The following SLC24A2 variants were observed in gnomAD, a reference collection of about 807,000 sequenced individuals.
SLC24A2 encodes the protein sodium/potassium/calcium exchanger 2.
In SLC24A2, 36 loss-of-function variants were observed where a neutral mutation model predicts 62.0. That is an observed-to-expected ratio of 0.58 (90% confidence interval 0.44 to 0.77). SLC24A2 has a LOEUF of 0.77. Ranked by LOEUF, SLC24A2 falls within the 30% of genes least tolerant of loss-of-function variation. The pLI is 0.00. For missense variants in SLC24A2, 846 were observed against 817.9 expected, an observed-to-expected ratio of 1.03 and a Z score of -0.42; for synonymous variants, 358 against 294.0, an observed-to-expected ratio of 1.22 and a Z score of -2.23.
the SLC24A2 span, among the ~76,000 whole-genome samples, chr9:19,899,196 A>G: frequency 6.6e-6 from 1 of 152,218 alleles, no homozygotes; most frequent in Admixed American, 6.5e-5. Flanking sequence ...TAAGTCACAC[A>G]CCTATGCTCT....
At chr9:20,298,183 T>C in the SLC24A2 span, among the ~76,000 whole-genome samples, 3 of 152,210 alleles carry the variant, frequency 2.0e-5, no homozygotes, top group Admixed American at 6.5e-5. Context: ...AAGTGATTAT[T>C]ATGTCCATTG....
At chr9:20,004,859 G>A in the SLC24A2 span, among the ~76,000 whole-genome samples, 3 of 151,514 alleles carry the variant, frequency 2.0e-5, no homozygotes, top group Admixed American at 6.6e-5. Context: ...CTGAGTTGAT[G>A]TAAAGAGGAG....
chr9:20,233,411 T>A, the SLC24A2 span, among the ~76,000 whole-genome samples: 3 of 152,238 alleles, frequency 2.0e-5, no homozygotes, highest in Non-Finnish European at 2.9e-5. Flanking sequence ...TGGGTTCTCC[T>A]GTATTGGGTG....
chr9:20,176,876 T>C, the SLC24A2 span, among the ~76,000 whole-genome samples: 1 of 152,098 alleles, frequency 6.6e-6, no homozygotes, highest in Non-Finnish European at 1.5e-5. Flanking sequence ...TTCTGAGAAA[T>C]ATGCACCAAA....
intron 9 of SLC24A2, among the ~76,000 whole-genome samples, chr9:19,526,811 A>G (rs1396271938): frequency 1.3e-5 from 2 of 151,634 alleles, no homozygotes; most frequent in Non-Finnish European, 2.9e-5. Flanking sequence ...TTTCCTTTTT[A>G]ATGGTGTTTC....
the SLC24A2 span, among the ~76,000 whole-genome samples, chr9:19,829,805 A>G: frequency 0.063 from 1,881 of 29,626 alleles, 12 homozygotes; most frequent in Non-Finnish European, 0.15. Flanking sequence ...GTGTATATAT[A>G]TATATACACA....
the SLC24A2 span, among the ~76,000 whole-genome samples, chr9:20,102,767 G>C: frequency 6.6e-6 from 1 of 152,078 alleles, no homozygotes; most frequent in African/African-American, 2.4e-5. Context: ...CAGCATGAGC[G>C]ACACAGAAGA....
the SLC24A2 span, among the ~76,000 whole-genome samples, chr9:20,221,630 T>C: frequency 2.0e-5 from 3 of 151,990 alleles, no homozygotes; most frequent in South Asian, 4.2e-4. Context: ...CCTCAAGTCT[T>C]GAACAAAATA....
the SLC24A2 span, among the ~76,000 whole-genome samples, chr9:19,886,916 G>A: frequency 2.0e-5 from 3 of 152,118 alleles, no homozygotes; most frequent in Admixed American, 2.0e-4. Flanking sequence ...CATGGATAGA[G>A]CTGGCAGCCA....
At chr9:19,884,971 T>C in the SLC24A2 span, among the ~76,000 whole-genome samples, 1 of 152,190 alleles carries the variant, frequency 6.6e-6, no homozygotes, top group East Asian at 1.9e-4. Flanking sequence ...GGAGCATCTG[T>C]ATTCTTACAG....
chr9:20,150,666 C>T, the SLC24A2 span, among the ~76,000 whole-genome samples: 7,098 of 151,146 alleles, frequency 0.047, 542 homozygotes, highest in African/African-American at 0.16. Flanking sequence ...TCATTCTTGT[C>T]AAAATAACAA....
At chr9:19,845,691 C>T in the SLC24A2 span, among the ~76,000 whole-genome samples, 2,613 of 152,120 alleles carry the variant, frequency 0.017, 71 homozygotes, top group African/African-American at 0.059. Flanking sequence ...GAACATTATT[C>T]TGGGATCTAT....
chr9:19,702,034 C>A (rs1820371460), intron 2 of SLC24A2, among the ~76,000 whole-genome samples: 1 of 152,188 alleles, frequency 6.6e-6, no homozygotes, highest in Non-Finnish European at 1.5e-5. Context: ...ACCACATGAT[C>A]TTAGACTAAT....
intron 1 of SLC24A2, chr9:19,788,641 C>T (rs1823250033): frequency 4.1e-6 from 4 of 985,326 alleles, no homozygotes; most frequent in Non-Finnish European, 4.8e-6. Flanking sequence ...TCTCCCCCGA[C>T]GGCAGGCCCT....
At chr9:19,941,007 G>T in the SLC24A2 span, among the ~76,000 whole-genome samples, 275 of 152,314 alleles carry the variant, frequency 1.8e-3, no homozygotes, top group African/African-American at 6.4e-3. Flanking sequence ...GGCCACAGAG[G>T]TCAATGGCTT....
the SLC24A2 span, among the ~76,000 whole-genome samples, chr9:19,857,168 A>C: frequency 6.6e-6 from 1 of 152,206 alleles, no homozygotes; most frequent in African/African-American, 2.4e-5. Context: ...TAGAAGATGA[A>C]GCTGAAAATC....
At chr9:20,290,171 T>A in the SLC24A2 span, among the ~76,000 whole-genome samples, 3 of 152,098 alleles carry the variant, frequency 2.0e-5, no homozygotes, top group African/African-American at 7.2e-5. Context: ...AGAAATCAAT[T>A]TCGTTCTAGC....
At position 19,513,180 on chromosome 9, in the gene SLC24A2, A is replaced by ATATATG; in HGVS notation, c.*2972_*2973insCATATA. 1 of 134,982 alleles carries ATATATG rather than the reference A, an allele frequency of 7.4e-6. No individual in the cohort carries two copies. The highest frequency in any genetic ancestry group is 1.6e-5 in the Non-Finnish European group (1 of 63,630). 8.4% of individuals were successfully genotyped at this position (134,982 alleles called of 1,614,324 possible). ...TATATATATATATATATATATGTAT[A>ATATATG]TATATATATATGTATATATTTATAT... On this transcript the variant is annotated 3_prime_UTR_variant, in exon 11 of 11. Transcript: ENST00000341998.
At chr9:20,295,053 T>TATATATATATATATATATATATAC in the SLC24A2 span, among the ~76,000 whole-genome samples, 1 of 144,374 alleles carries the variant, frequency 6.9e-6, no homozygotes, top group African/African-American at 2.6e-5. Flanking sequence ...TATATATATA[T>TATATATATATATATATATATATAC]ACACACACAC....
Sources: gnomAD v4.1 joint callset for allele counts (sites outside exome capture counted in the v4.1 genomes callset) on GRCh38, gnomAD v4.1.1 for gene constraint, MANE v1.5 for transcripts, NCBI Gene and HGNC (gene_info 2026-07-23, HGNC 2026-07-21) for gene names.